The following ADD2 variants were observed in gnomAD, a reference collection of about 807,000 sequenced individuals.
The protein encoded by ADD2 is beta-adducin.
Under a neutral mutation model 83.0 loss-of-function variants are expected in ADD2, and 23 were observed. The ratio of observed to expected loss-of-function variants is 0.28; its 90% CI spans 0.20 to 0.39. The LOEUF (loss-of-function observed/expected upper bound fraction) is 0.39, where lower values mean the gene tolerates loss of function less well. Among genes scored for constraint, ADD2 ranks in the 10% least tolerant of loss-of-function variants. ADD2 has a pLI of 1.00. For synonymous variants in ADD2, 375 were observed against 375.4 expected (o/e 1.00, Z 0.01); for missense variants, 758 against 944.9 (o/e 0.80, Z 2.59).
At chr2:70,761,730 G>A (rs1464889273) in intron 1 of ADD2, among the ~76,000 whole-genome samples, 1 of 150,250 alleles carries the variant, frequency 6.7e-6, no homozygotes, top group African/African-American at 2.5e-5. Flanking sequence ...GGAGTGCAGT[G>A]GTGCAATCTC....
At chr2:70,707,686 C>A (rs1338452743) in intron 2 of ADD2, among the ~76,000 whole-genome samples, 1 of 152,214 alleles carries the variant, frequency 6.6e-6, no homozygotes, top group Non-Finnish European at 1.5e-5. Context: ...CTCTTCTCAG[C>A]AGAAGGCAGC....
chr2:70,700,826 TA>T (rs1553373409), intron 4 of ADD2, among the ~76,000 whole-genome samples: 1 of 152,044 alleles, frequency 6.6e-6, no homozygotes, highest in African/African-American at 2.4e-5. Flanking sequence ...AAAAACTCCA[TA>T]AAATGGTTTA....
chr2:70,720,501 T>A (rs2104436086), intron 1 of ADD2, among the ~76,000 whole-genome samples: 1 of 152,352 alleles, frequency 6.6e-6, no homozygotes, highest in Admixed American at 6.5e-5. Flanking sequence ...GATTCTGTAT[T>A]CTAGCGTCTC....
rs1675596476 is a variant in ADD2 at position 70,662,976 on chromosome 2, T to C, written c.*449A>G. The C allele has an allele frequency of 6.3e-6, 1 of 159,560 alleles. No homozygotes were observed. Among genetic ancestry groups the C allele is most frequent in the South Asian group, 1.9e-4 (1 of 5,366 alleles). The allele number at this position is 159,560 out of a possible 1,614,324, so 9.9% of individuals were successfully genotyped here. A position where few individuals can be genotyped will look rare whatever the true frequency, so the allele number is the denominator to read the frequency against. On this transcript the variant is annotated 3_prime_UTR_variant, in exon 16 of 16. Transcript: ENST00000264436. ...AGAGATTTTTAAATGTAGAGATAGC[T>C]CCATCCACAGGAGATTGGATTCCTG...
chr2:70,675,641 A>G, intron 13 of ADD2: 1 of 985,396 alleles, frequency 1.0e-6, no homozygotes, highest in Non-Finnish European at 1.2e-6. Context: ...TGAGGAGCAA[A>G]GAGAGTGAAG....
intron 1 of ADD2, among the ~76,000 whole-genome samples, chr2:70,735,855 C>T (rs927416608): frequency 1.8e-4 from 21 of 115,690 alleles, no homozygotes; most frequent in African/African-American, 6.0e-4. Flanking sequence ...CAGCCATGCC[C>T]GGCTTTTTTT....
chr2:70,691,036 G>A, intron 7 of ADD2, 107 bp from the exon 8 acceptor site: 1 of 1,379,768 alleles, frequency 7.2e-7, no homozygotes. Flanking sequence ...GAGGGGTGAG[G>A]AGTGAGGGGT....
intron 3 of ADD2, among the ~76,000 whole-genome samples, chr2:70,704,896 G>C (rs1553374163): frequency 6.6e-6 from 1 of 152,142 alleles, no homozygotes; most frequent in African/African-American, 2.4e-5. Flanking sequence ...AAGGGTAGGA[G>C]GAAGAACAGG....
At chr2:70,751,279 C>T (rs1207951814) in intron 1 of ADD2, among the ~76,000 whole-genome samples, 1 of 152,146 alleles carries the variant, frequency 6.6e-6, no homozygotes, top group East Asian at 1.9e-4. Flanking sequence ...TAAAGATGGG[C>T]AGGGCTGGTT....
intron 10 of ADD2, among the ~76,000 whole-genome samples, chr2:70,683,390 G>C (rs1574236997): frequency 6.6e-6 from 1 of 152,110 alleles, no homozygotes; most frequent in South Asian, 2.1e-4. Context: ...TTAGTTGTGG[G>C]TGGCAAAGTC....
intron 1 of ADD2, among the ~76,000 whole-genome samples, chr2:70,757,342 C>A (rs1250265348): frequency 2.6e-5 from 4 of 151,952 alleles, no homozygotes; most frequent in African/African-American, 9.7e-5. Context: ...GCCCTTCAGT[C>A]CTATTTGATT....
At chr2:70,694,365 G>C (rs144815510) in intron 6 of ADD2, among the ~76,000 whole-genome samples, 3 of 152,260 alleles carry the variant, frequency 2.0e-5, no homozygotes, top group African/African-American at 7.2e-5. Flanking sequence ...CTTTCAGAGT[G>C]ATCTTTCTAC....
chr2:70,702,486 A>T (rs1671641191), intron 4 of ADD2, among the ~76,000 whole-genome samples: 1 of 152,208 alleles, frequency 6.6e-6, no homozygotes, highest in Non-Finnish European at 1.5e-5. Context: ...TGTAAAGAAT[A>T]AACTTGTACA....
chr2:70,676,621 G>A lies in ADD2; in HGVS notation c.1593+175C>T. On this transcript the variant is annotated intron_variant, in intron 13 of 15. Coordinates refer to ENST00000264436, the MANE Select transcript of ADD2 (RefSeq NM_001617.4). The surrounding 1 kb of genome is among the most constrained non-coding windows in gnomAD (Gnocchi z 4.8). Reference sequence around the variant, plus strand: ...GGGCCATCAGACATTGTCCTCCCTGGTCCTCACAGCACCCCTGTGAGGTTG... The same window carrying A: ...GGGCCATCAGACATTGTCCTCCCTGATCCTCACAGCACCCCTGTGAGGTTG... 1 of 1,455,634 alleles carries A rather than the reference G, an allele frequency of 6.9e-7. No individual in the cohort carries two copies. The highest frequency in any genetic ancestry group is 9.1e-7 in the Non-Finnish European group (1 of 1,097,152). 90.2% of individuals were successfully genotyped at this position (1,455,634 alleles called of 1,614,324 possible).
chr2:70,720,944 C>A (rs1672702140), intron 1 of ADD2, among the ~76,000 whole-genome samples: 1 of 152,190 alleles, frequency 6.6e-6, no homozygotes, highest in Non-Finnish European at 1.5e-5. Flanking sequence ...TGGAAACTCC[C>A]AGGCTCTAGG....
intron 1 of ADD2, among the ~76,000 whole-genome samples, chr2:70,714,245 G>T (rs544347757): frequency 6.6e-6 from 1 of 152,030 alleles, no homozygotes; most frequent in Non-Finnish European, 1.5e-5. Flanking sequence ...GAGCTGCTGG[G>T]GGCTGTCTCA....
At chr2:70,675,063 T>A (rs1015158149) in intron 13 of ADD2, 1 of 1,261,916 alleles carries the variant, frequency 7.9e-7, no homozygotes, top group Non-Finnish European at 1.0e-6. Flanking sequence ...AGTCTGCCCC[T>A]GAAATAAAAT....
At chr2:70,712,681 G>A (rs373790708) in intron 2 of ADD2, among the ~76,000 whole-genome samples, 1 of 151,996 alleles carries the variant, frequency 6.6e-6, no homozygotes, top group East Asian at 1.9e-4. Flanking sequence ...TAGGAAACCA[G>A]GTGGTTGTTA....
rs1675586104 is a variant in ADD2, at chr2:70,662,733, C to G, written c.*692G>C. 2.0e-5 allele frequency: 3 copies of G among 152,228 alleles called. No individual in the cohort carries two copies. 9.4% of individuals were successfully genotyped at this position (152,228 alleles called of 1,614,324 possible). ...GCCTCTTATGTTGATGAAACCATCC[C>G]CAATCCTCAGCTTACATGGCTTGCC... On this transcript the variant is annotated 3_prime_UTR_variant, in exon 16 of 16. Coordinates refer to ENST00000264436, the MANE Select transcript of ADD2 (RefSeq NM_001617.4).
Sources: gnomAD v4.1 joint callset for allele counts (sites outside exome capture counted in the v4.1 genomes callset) on GRCh38, gnomAD v4.1.1 for gene constraint, Gnocchi (gnomAD v3.1) non-coding constraint, MANE v1.5 for transcripts, NCBI Gene and HGNC (gene_info 2026-07-23, HGNC 2026-07-21) for gene names.